The following BEAN1 variants were observed in gnomAD, a reference collection of about 807,000 sequenced individuals.
BEAN1 encodes brain expressed associated with NEDD4 1, also known as protein BEAN1.
BEAN1 carries 17 observed loss-of-function variants against 17.7 expected under a neutral mutation model. The ratio of observed to expected loss-of-function variants is 0.96; its 90% CI spans 0.66 to 1.44. BEAN1 has a LOEUF of 1.44. Ranked by LOEUF, BEAN1 falls within the 40% of genes most tolerant of loss-of-function variation. The pLI is 0.00. For synonymous variants in BEAN1, 142 were observed against 151.8 expected (o/e 0.94, Z 0.47); for missense variants, 359 against 374.1 (o/e 0.96, Z 0.33).
chr16:66,432,459 C>G lies in BEAN1; in HGVS notation c.-83+5028C>G, dbSNP rs150560910. Among the ~76,000 whole-genome samples the G allele has an allele frequency of 2.3e-3, 348 of 152,382 alleles. 1 individual carries two copies. Among genetic ancestry groups the G allele is most frequent in the Middle Eastern group, 0.02 (6 of 294 alleles). ...TGCAGTCTTTTCAAGATCAGTGCAA[C>G]TGACCGAAGTCCCTGGGATTTCTGA... is the stretch of plus-strand genomic sequence containing the variant. On this transcript the variant is annotated intron_variant, in intron 1 of 4. Coordinates refer to ENST00000536005, the MANE Select transcript of BEAN1 (RefSeq NM_001178020.3).
chr16:66,433,684 TG>T (rs1348143676), intron 1 of BEAN1, among the ~76,000 whole-genome samples: 2 of 152,220 alleles, frequency 1.3e-5, no homozygotes, highest in African/African-American at 4.8e-5. Flanking sequence ...ATCTGTGAAT[TG>T]GGGATTTGTT....
At chr16:66,458,138 G>A (rs995490792) in intron 2 of BEAN1, among the ~76,000 whole-genome samples, 1 of 152,196 alleles carries the variant, frequency 6.6e-6, no homozygotes, top group African/African-American at 2.4e-5. Flanking sequence ...GAGAGAGTGG[G>A]CAGGATTGGC....
chr16:66,480,941 G>A lies in BEAN1; in HGVS notation c.*16G>A, dbSNP rs768010368. The A allele has an allele frequency of 2.0e-5, 29 of 1,424,642 alleles. No individual in the cohort carries two copies. The highest frequency in any genetic ancestry group is 2.9e-5 in the African/African-American group (2 of 69,226). The allele number at this position is 1,424,642 out of a possible 1,614,324, so 88.3% of individuals were successfully genotyped here. On this transcript the variant is annotated 3_prime_UTR_variant, in exon 5 of 5. Coordinates refer to ENST00000536005, the MANE Select transcript of BEAN1 (RefSeq NM_001178020.3). ...GATTGTGTGAGGGACCCAGCCAGCC[G>A]GGTCCTGCTGGTCCCTACAGGCTGA...
rs1961614721 is a variant in BEAN1 at position 66,427,330 on chromosome 16, G to C, written c.-184G>C. On this transcript the variant is annotated 5_prime_UTR_variant, in exon 1 of 5. Coordinates refer to ENST00000536005, the MANE Select transcript of BEAN1 (RefSeq NM_001178020.3). The surrounding 1 kb of genome is among the most constrained non-coding windows in gnomAD (Gnocchi z 4.7). The stretch of plus-strand genomic sequence containing the variant: ...AGCCCGAGCGCAGTGGCCTCCGAGC[G>C]GGAACCGGACTGGGAGCCGGAGCCG... 1 of 151,402 alleles carries C rather than the reference G, an allele frequency of 6.6e-6. No individual in the cohort carries two copies. The highest frequency in any genetic ancestry group is 2.4e-5 in the African/African-American group (1 of 41,316). 9.4% of individuals were successfully genotyped at this position (151,402 alleles called of 1,614,324 possible).
intron 2 of BEAN1, among the ~76,000 whole-genome samples, chr16:66,449,179 G>A (rs528342301): frequency 6.6e-6 from 1 of 152,182 alleles, no homozygotes; most frequent in African/African-American, 2.4e-5. Flanking sequence ...TTTTCTTTCA[G>A]GTCTGGCTAC....
At chr16:66,438,035 T>TG in intron 2 of BEAN1, 1 of 403,528 alleles carries the variant, frequency 2.5e-6, no homozygotes, top group Non-Finnish European at 4.6e-6. Flanking sequence ...GGAAAAATGC[T>TG]GGGGGAGTCA....
At chr16:66,460,497 C>G (rs957619105) in intron 2 of BEAN1, among the ~76,000 whole-genome samples, 1 of 152,198 alleles carries the variant, frequency 6.6e-6, no homozygotes, top group Non-Finnish European at 1.5e-5. Flanking sequence ...AACAGGAGGT[C>G]CTCGCACATC....
At chr16:66,433,843 TG>T (rs1429109015) in intron 1 of BEAN1, among the ~76,000 whole-genome samples, 2 of 152,294 alleles carry the variant, frequency 1.3e-5, no homozygotes, top group Middle Eastern at 6.8e-3. Context: ...TGGCCGCTCC[TG>T]GGGCCTTCCA....
downstream of BEAN1, chr16:66,484,939 C>CT (rs1964066319): frequency 2.2e-6 from 1 of 454,026 alleles, no homozygotes; most frequent in Non-Finnish European, 4.4e-6. The surrounding 1 kb of genome is among the most constrained non-coding windows in gnomAD (Gnocchi z 4.2). Flanking sequence ...AGAAAAAAGT[C>CT]TTCAGGGGAG....
chr16:66,429,018 G>C (rs1454576341), intron 1 of BEAN1, among the ~76,000 whole-genome samples: 2 of 152,076 alleles, frequency 1.3e-5, no homozygotes, highest in Non-Finnish European at 2.9e-5. Flanking sequence ...CTTAGCTGAT[G>C]TCCGCTGCCC....
At chr16:66,448,106 C>T (rs1962521632) in intron 2 of BEAN1, among the ~76,000 whole-genome samples, 1 of 152,192 alleles carries the variant, frequency 6.6e-6, no homozygotes, top group Non-Finnish European at 1.5e-5. Flanking sequence ...TCCCCTCCTG[C>T]CTGTTGCAAT....
intron 4 of BEAN1, among the ~76,000 whole-genome samples, chr16:66,492,600 C>A (rs1350975105): frequency 6.6e-6 from 1 of 151,682 alleles, no homozygotes; most frequent in Non-Finnish European, 1.5e-5. Context: ...CCACCATGCC[C>A]GGCTAATTTT....
intron 2 of BEAN1, among the ~76,000 whole-genome samples, chr16:66,444,847 C>T (rs973403664): frequency 2.0e-5 from 3 of 152,148 alleles, no homozygotes; most frequent in South Asian, 2.1e-4. Flanking sequence ...GGAGCATTGC[C>T]GCCCTCCAGT....
At chr16:66,457,282 G>A (rs766394329) in intron 2 of BEAN1, among the ~76,000 whole-genome samples, 2 of 152,316 alleles carry the variant, frequency 1.3e-5, no homozygotes, top group Middle Eastern at 3.4e-3. Flanking sequence ...AGTGGATGTT[G>A]AGTAGATGCA....
chr16:66,446,582 C>T (rs1180843847), intron 2 of BEAN1, among the ~76,000 whole-genome samples: 1 of 152,038 alleles, frequency 6.6e-6, no homozygotes, highest in African/African-American at 2.4e-5. Context: ...TGAGGACTGT[C>T]AGTGTGTGAA....
At chr16:66,429,831 G>T (rs1267082670) in intron 1 of BEAN1, among the ~76,000 whole-genome samples, 1 of 149,640 alleles carries the variant, frequency 6.7e-6, no homozygotes, top group Non-Finnish European at 1.5e-5. Context: ...CTTCGCTCAG[G>T]ATTTGGAACA....
chr16:66,432,043 C>G (rs551656531), intron 1 of BEAN1, among the ~76,000 whole-genome samples: 1 of 152,246 alleles, frequency 6.6e-6, no homozygotes, highest in African/African-American at 2.4e-5. Context: ...GGGTGACAGA[C>G]TGAAACTTTT....
intron 2 of BEAN1, among the ~76,000 whole-genome samples, chr16:66,457,388 C>T (rs752990196): frequency 5.2e-4 from 79 of 152,160 alleles, no homozygotes; most frequent in Non-Finnish European, 8.8e-4. Context: ...TATATGACTT[C>T]ACCTTCCATG....
intron 2 of BEAN1, among the ~76,000 whole-genome samples, chr16:66,442,788 G>A (rs1323424154): frequency 1.5e-4 from 23 of 152,228 alleles, no homozygotes; most frequent in Admixed American, 1.5e-3. Context: ...GCACTGAGAA[G>A]ATGCTCAAGA....
Sources: gnomAD v4.1 joint callset for allele counts (sites outside exome capture counted in the v4.1 genomes callset) on GRCh38, gnomAD v4.1.1 for gene constraint, Gnocchi (gnomAD v3.1) non-coding constraint, MANE v1.5 for transcripts, NCBI Gene and HGNC (gene_info 2026-07-23, HGNC 2026-07-21) for gene names.